KLHL13: variants seen among roughly 807,000 people sequenced by gnomAD.
The protein encoded by KLHL13 is kelch like family member 13.
Under a neutral mutation model 37.1 loss-of-function variants are expected in KLHL13, and 10 were observed. The observed-to-expected ratio is 0.27, with a 90% CI of 0.17 to 0.46. The LOEUF is 0.46. Among genes scored for constraint, KLHL13 ranks in the 20% least tolerant of loss-of-function variants. KLHL13 has a pLI of 1.00. For synonymous variants in KLHL13, 163 were observed against 181.2 expected (o/e 0.90, Z 0.81); for missense variants, 360 against 509.3 (o/e 0.71, Z 2.82).
At chrX:118,113,997 T>G (rs1264864082) in intron 1 of KLHL13, among the ~76,000 whole-genome samples, 2 of 112,478 alleles carry the variant, frequency 1.8e-5, no homozygotes, top group Non-Finnish European at 3.8e-5. Flanking sequence ...TTTTTATAAT[T>G]TTGAGATATT....
At chrX:117,965,859 T>G (rs1449270599) in intron 1 of KLHL13, among the ~76,000 whole-genome samples, 1 of 111,655 alleles carries the variant, frequency 9.0e-6, no homozygotes, top group Non-Finnish European at 1.9e-5. Flanking sequence ...CAACAACCCT[T>G]CATGCTAAAA....
Position 118,099,919 on chromosome X carries a change from A to AAAGGAAGGAAGG in KLHL13, c.-56+16577_-56+16588dup, listed in dbSNP as rs59085638. On this transcript the variant is annotated intron_variant, in intron 1 of 6. Coordinates refer to the KLHL13 transcript ENST00000371882. ...AGAAGGAAGGAAAGAAGGAAGGAAG[A>AAAGGAAGGAAGG]AAGGAAGGAAGGAAGGAAGGAAGGA... Among the ~76,000 whole-genome samples the AAAGGAAGGAAGG allele has an allele frequency of 9.2e-3, 939 of 102,190 alleles. 10 individuals carry two copies. The highest frequency in any genetic ancestry group is 0.034 in the African/African-American group (890 of 25,819). 88.7% of individuals were successfully genotyped at this position (102,190 alleles called of 115,157 possible). A position where few individuals can be genotyped will look rare whatever the true frequency, so the allele number is the denominator to read the frequency against.
chrX:117,919,703 G>T (rs750905109), exon 4 of KLHL13: 2 of 1,191,333 alleles, frequency 1.7e-6, no homozygotes, highest in Non-Finnish European at 2.3e-6. Flanking sequence ...ATTAAATCTT[G>T]TTCTTTCATT....
chrX:118,108,078 A>C (rs1375892456), intron 1 of KLHL13, among the ~76,000 whole-genome samples: 1 of 111,854 alleles, frequency 8.9e-6, no homozygotes, highest in Non-Finnish European at 1.9e-5. Context: ...AACATCCAAG[A>C]GTGGAACAGA....
chrX:117,951,713 A>C (rs1239825571), intron 1 of KLHL13, among the ~76,000 whole-genome samples: 1 of 112,317 alleles, frequency 8.9e-6, no homozygotes, highest in Non-Finnish European at 1.9e-5. Flanking sequence ...ATAGAACAGT[A>C]TTAATAAATA....
intron 1 of KLHL13, among the ~76,000 whole-genome samples, chrX:117,950,726 A>C (rs1006061337): frequency 8.9e-6 from 1 of 112,402 alleles, no homozygotes; most frequent in Non-Finnish European, 1.9e-5. Flanking sequence ...AATAAAATAC[A>C]TATTGCTCAC....
At chrX:117,964,283 CCAGA>C (rs2053370725) in intron 1 of KLHL13, among the ~76,000 whole-genome samples, 2 of 112,033 alleles carry the variant, frequency 1.8e-5, no homozygotes, top group Non-Finnish European at 3.8e-5. Flanking sequence ...CTCATTTAGT[CCAGA>C]CAAATTTTTC....
intron 1 of KLHL13, among the ~76,000 whole-genome samples, chrX:118,106,201 G>A (rs28542547): frequency 1.8e-5 from 2 of 109,014 alleles, no homozygotes; most frequent in African/African-American, 6.7e-5. Context: ...CCGGCCAAGA[G>A]CTTTTTATAT....
rs1178007471 is a variant in KLHL13, at chrX:118,035,773, T to C, written c.-56+80735A>G. 6.6e-4 allele frequency among the ~76,000 whole-genome samples: 71 copies of C among 107,385 alleles called. 1 individual carries two copies. The highest frequency in any genetic ancestry group is 2.5e-3 in the African/African-American group (70 of 27,594). The allele number at this position is 107,385 out of a possible 115,157, so 93.3% of individuals were successfully genotyped here. A position where few individuals can be genotyped will look rare whatever the true frequency, so the allele number is the denominator to read the frequency against. Reference sequence around the variant, plus strand: ...TTAGGCAGGAGAAGGAAATAAATGGTATTCAATTAGGAAAAGAGGAAGTCA... The same window carrying C: ...TTAGGCAGGAGAAGGAAATAAATGGCATTCAATTAGGAAAAGAGGAAGTCA... On this transcript the variant is annotated intron_variant, in intron 1 of 6. Transcript: ENST00000371882.
intron 1 of KLHL13, among the ~76,000 whole-genome samples, chrX:118,030,618 G>A (rs752513385): frequency 1.2e-4 from 14 of 112,168 alleles, no homozygotes; most frequent in Non-Finnish European, 2.4e-4. Context: ...AACAGGAGGT[G>A]TTTAGCCATG....
chrX:117,952,976 C>T (rs1382259087), intron 1 of KLHL13, among the ~76,000 whole-genome samples: 1 of 111,351 alleles, frequency 9.0e-6, no homozygotes, highest in Non-Finnish European at 1.9e-5. Context: ...ACTAGTTCAA[C>T]CATTGTGGAA....
intron 1 of KLHL13, among the ~76,000 whole-genome samples, chrX:117,966,009 C>T (rs2053421625): frequency 9.0e-6 from 1 of 111,611 alleles, no homozygotes; most frequent in Admixed American, 9.5e-5. Context: ...CAGGGATGCC[C>T]TCTCTCACCA....
chrX:117,979,184 G>A (rs894677650), intron 1 of KLHL13, among the ~76,000 whole-genome samples: 7 of 111,589 alleles, frequency 6.3e-5, no homozygotes, highest in Non-Finnish European at 1.3e-4. Context: ...AGCCTGCCTC[G>A]ACCTCCCAAA....
exon 5 of KLHL13, chrX:117,910,020 T>C (rs1222379824): frequency 1.1e-5 from 13 of 1,206,944 alleles, no homozygotes; most frequent in South Asian, 1.8e-5. Flanking sequence ...GACGAAACTG[T>C]TAACGTATTT....
At chrX:118,017,414 G>A (rs934651336) in intron 1 of KLHL13, among the ~76,000 whole-genome samples, 2 of 111,486 alleles carry the variant, frequency 1.8e-5, no homozygotes, top group South Asian at 7.5e-4. Context: ...AAGCGAAAAG[G>A]CAACATGGCT....
chrX:118,083,731 C>T (rs894260179), intron 1 of KLHL13, among the ~76,000 whole-genome samples: 3 of 110,689 alleles, frequency 2.7e-5, no homozygotes, highest in East Asian at 5.7e-4. Context: ...ATGTTCTCAC[C>T]GTGAAGAAAT....
At chrX:117,940,967 C>T (rs1041431045) in intron 2 of KLHL13, among the ~76,000 whole-genome samples, 16 of 112,019 alleles carry the variant, frequency 1.4e-4, no homozygotes, top group Non-Finnish European at 3.0e-4. Flanking sequence ...CTGGCCAGAA[C>T]TTCCAATACT....
At chrX:118,072,934 A>T (rs1035945426) in intron 1 of KLHL13, among the ~76,000 whole-genome samples, 1 of 110,291 alleles carries the variant, frequency 9.1e-6, no homozygotes, top group Non-Finnish European at 1.9e-5. Flanking sequence ...ATGTCTCCAA[A>T]CATTTAAAAA....
intron 1 of KLHL13, among the ~76,000 whole-genome samples, chrX:118,052,628 C>T (rs1346082890): frequency 3.7e-5 from 4 of 108,630 alleles, no homozygotes; most frequent in African/African-American, 1.3e-4. Context: ...GAGTTTGAGA[C>T]CAGCCTGGCC....
Sources: allele counts gnomAD v4.1 joint callset (sites outside exome capture counted in the v4.1 genomes callset), GRCh38; gene constraint gnomAD v4.1.1; transcripts MANE v1.5; gene names NCBI Gene and HGNC (gene_info 2026-07-23, HGNC 2026-07-21).